Variants in TEK observed in about 807,000 individuals in gnomAD.
TEK encodes the protein angiopoietin-1 receptor.
A neutral mutation model predicts 131.8 loss-of-function variants in TEK; 43 were observed. That is an observed-to-expected ratio of 0.33 (90% CI 0.26 to 0.42). The LOEUF (loss-of-function observed/expected upper bound fraction) is 0.42. TEK is among the 10% of genes least tolerant of loss of function. The pLI is 1.00. For synonymous variants in TEK, 580 were observed against 491.6 expected (o/e 1.18, Z -2.38); for missense variants, 1,162 against 1,384.4 (o/e 0.84, Z 2.55).
chr9:27,140,733 T>C (rs6475968), intron 1 of TEK, among the ~76,000 whole-genome samples: 78,957 of 151,940 alleles, frequency 0.52, 21,519 homozygotes, highest in African/African-American at 0.57. Context: ...TGCTATCTTC[T>C]AAAACTATTA....
intron 1 of TEK, among the ~76,000 whole-genome samples, chr9:27,147,665 C>G (rs1213932236): frequency 6.6e-6 from 1 of 152,174 alleles, no homozygotes; most frequent in Non-Finnish European, 1.5e-5. Context: ...CAATCACTTT[C>G]TAACTCCAGT....
chr9:27,189,280 G>A, intron 9 of TEK, among the ~76,000 whole-genome samples: 1 of 152,106 alleles, frequency 6.6e-6, no homozygotes, highest in East Asian at 1.9e-4. Flanking sequence ...GTGTAGTGTG[G>A]TGTTTCACAA....
At chr9:27,169,400 A>G in intron 3 of TEK, 77 bp from the exon 4 acceptor site, 1 of 1,596,082 alleles carries the variant, frequency 6.3e-7, no homozygotes, top group African/African-American at 1.3e-5. Context: ...GGGAAAGCTA[A>G]TTAAGTGGAG....
intron 18 of TEK, among the ~76,000 whole-genome samples, chr9:27,216,267 C>CAGTT (rs1313449809): frequency 6.6e-6 from 1 of 152,046 alleles, no homozygotes; most frequent in African/African-American, 2.4e-5. Flanking sequence ...GGAGGGAGAT[C>CAGTT]AGTTAGGCAG....
Position 27,128,125 on chromosome 9 carries a change from C to A in TEK, c.52+18483C>A, listed in dbSNP as rs529994630. ...ATGGTTTTAGGTCTAACTTGTAAGT[C>A]TTTAATCCATCTTGAATTAATTTTT... On this transcript the variant is annotated intron_variant, in intron 1 of 22. Coordinates refer to ENST00000380036, the MANE Select transcript of TEK (RefSeq NM_000459.5). Among the ~76,000 whole-genome samples the A allele has an allele frequency of 2.0e-5, 3 of 152,296 alleles. No individual in the cohort carries two copies. In the East Asian group the frequency reaches 5.8e-4, roughly 29 times the overall value.
chr9:27,141,343 A>G (rs1467281067), intron 1 of TEK, among the ~76,000 whole-genome samples: 1 of 152,052 alleles, frequency 6.6e-6, no homozygotes, highest in African/African-American at 2.4e-5. Context: ...CAAGTTTTTC[A>G]AAAGTGTTAT....
At chr9:27,162,967 G>A (rs1453905857) in intron 2 of TEK, among the ~76,000 whole-genome samples, 3 of 152,144 alleles carry the variant, frequency 2.0e-5, no homozygotes, top group Admixed American at 6.5e-5. Context: ...ACCCACCTCA[G>A]CCTCCTAAAG....
chr9:27,201,715 A>G (rs1469712966), intron 12 of TEK, among the ~76,000 whole-genome samples: 1 of 152,206 alleles, frequency 6.6e-6, no homozygotes, highest in African/African-American at 2.4e-5. Context: ...AATAGAAAGG[A>G]TGTACCTTGA....
At chr9:27,128,357 C>A (rs1822073254) in intron 1 of TEK, among the ~76,000 whole-genome samples, 1 of 152,064 alleles carries the variant, frequency 6.6e-6, no homozygotes, top group South Asian at 2.1e-4. Context: ...GGTAGCAGTA[C>A]CATGCTGTTT....
intron 2 of TEK, among the ~76,000 whole-genome samples, chr9:27,167,717 T>C (rs926999969): frequency 1.3e-5 from 2 of 152,230 alleles, no homozygotes; most frequent in African/African-American, 2.4e-5. Flanking sequence ...TCCAGCATTT[T>C]GCTCATTTTA....
At chr9:27,222,387 G>A (rs945450011) in intron 21 of TEK, among the ~76,000 whole-genome samples, 1 of 152,100 alleles carries the variant, frequency 6.6e-6, no homozygotes, top group Admixed American at 6.6e-5. Context: ...TCCTTGAGAA[G>A]AGCAACCCCA....
intron 21 of TEK, among the ~76,000 whole-genome samples, chr9:27,225,836 C>T (rs1206275914): frequency 2.0e-5 from 3 of 152,258 alleles, no homozygotes; most frequent in African/African-American, 7.2e-5. Context: ...GCAATCTATC[C>T]TTCTGACAAA....
chr9:27,221,156 A>T (rs913834865), intron 21 of TEK, among the ~76,000 whole-genome samples: 10 of 152,100 alleles, frequency 6.6e-5, no homozygotes. Flanking sequence ...AGTCACAGGG[A>T]AGTTCGAACT....
At chr9:27,160,226 T>G (rs1244973152) in intron 2 of TEK, among the ~76,000 whole-genome samples, 1 of 151,966 alleles carries the variant, frequency 6.6e-6, no homozygotes, top group African/African-American at 2.4e-5. Context: ...GGTCCTGCTT[T>G]GCTGCCTAGG....
chr9:27,170,057 G>A (rs1305519891), intron 4 of TEK, among the ~76,000 whole-genome samples: 1 of 152,144 alleles, frequency 6.6e-6, no homozygotes, highest in Non-Finnish European at 1.5e-5. Context: ...GGCAAAAGAG[G>A]AAGCAAACAC....
At chr9:27,217,311 A>G (rs77765731) in intron 18 of TEK, among the ~76,000 whole-genome samples, 5,070 of 152,180 alleles carry the variant, frequency 0.033, 128 homozygotes, top group Non-Finnish European at 0.05. Context: ...ACCCTACCCC[A>G]GTTTCCCTTT....
At chr9:27,143,268 T>C (rs1822795310) in intron 1 of TEK, among the ~76,000 whole-genome samples, 1 of 152,148 alleles carries the variant, frequency 6.6e-6, no homozygotes, top group Non-Finnish European at 1.5e-5. Context: ...CTTCTGTAGA[T>C]GGCTCAACAG....
At chr9:27,177,181 G>T (rs1044450350) in intron 6 of TEK, among the ~76,000 whole-genome samples, 1 of 152,186 alleles carries the variant, frequency 6.6e-6, no homozygotes, top group African/African-American at 2.4e-5. Context: ...TTGAGATAGT[G>T]ATTTCATTTC....
intron 1 of TEK, among the ~76,000 whole-genome samples, chr9:27,122,909 C>G (rs1378409520): frequency 6.6e-6 from 1 of 151,620 alleles, no homozygotes; most frequent in Non-Finnish European, 1.5e-5. Context: ...AAAAATTAGC[C>G]AGGCGTGGTG....
Sources: allele counts gnomAD v4.1 joint callset (sites outside exome capture counted in the v4.1 genomes callset), GRCh38; gene constraint gnomAD v4.1.1; transcripts MANE v1.5; gene names NCBI Gene and HGNC (gene_info 2026-07-23, HGNC 2026-07-21).